The following ADGRD1 variants were observed in gnomAD, a reference collection of about 807,000 sequenced individuals.
ADGRD1 encodes G-protein coupled receptor 133.
In ADGRD1, 77 loss-of-function variants were observed where a neutral mutation model predicts 113.4. That is an observed-to-expected ratio of 0.68 (90% CI 0.57 to 0.82). The LOEUF (loss-of-function observed/expected upper bound fraction) is 0.82. Ranked by LOEUF, ADGRD1 falls within the 40% of genes least tolerant of loss-of-function variation. ADGRD1 has a pLI of 0.00. For synonymous variants in ADGRD1, 474 were observed against 475.0 expected, an observed-to-expected ratio of 1.00 and a Z score of 0.03; for missense variants, 1,036 against 1,139.1, an observed-to-expected ratio of 0.91 and a Z score of 1.30.
At chr12:131,099,185 G>T (rs1950011877) in intron 15 of ADGRD1, among the ~76,000 whole-genome samples, 1 of 152,148 alleles carries the variant, frequency 6.6e-6, no homozygotes, top group African/African-American at 2.4e-5. Context: ...ACATCACTCT[G>T]GTCTAGAAGG....
At chr12:131,105,623 C>T in intron 16 of ADGRD1, 131 bp from the exon 17 acceptor site, 1 of 658,644 alleles carries the variant, frequency 1.5e-6, no homozygotes, top group Middle Eastern at 3.1e-4. Context: ...TGGTCCACAG[C>T]AGGGAGTGAC....
At chr12:131,112,220 G>GGA (rs1417953227) in intron 18 of ADGRD1, among the ~76,000 whole-genome samples, 1 of 152,104 alleles carries the variant, frequency 6.6e-6, no homozygotes, top group African/African-American at 2.4e-5. Context: ...AGTCACCCTG[G>GGA]GATGGCAGTG....
intron 8 of ADGRD1, among the ~76,000 whole-genome samples, chr12:130,996,623 C>T (rs1394575347): frequency 2.5e-4 from 27 of 109,420 alleles, no homozygotes; most frequent in African/African-American, 2.8e-4. Flanking sequence ...AGGCGCCCCT[C>T]ACCTCCCGGA....
rs549476135 is a variant in ADGRD1, at chr12:130,955,456, G to A, written c.103+796G>A. On this transcript the variant is annotated intron_variant, in intron 2 of 24. Coordinates refer to ENST00000261654, the MANE Select transcript of ADGRD1 (RefSeq NM_198827.5). ...GGCCATTGTGACACCCAACCAGGAA[G>A]CATCAGGACGGGGCTTCTCTCGGGA... Among the ~76,000 whole-genome samples, 7 of 152,328 alleles carry A rather than the reference G, an allele frequency of 4.6e-5. No individual in the cohort carries two copies. In the East Asian group the frequency reaches 1.4e-3, roughly 29 times the overall value.
rs1873789407 is a variant in ADGRD1, at chr12:130,987,123, A to G, written c.519A>G (p.Thr173=). 2.5e-6 allele frequency: 4 copies of G among 1,613,950 alleles called. No homozygotes were observed. Among genetic ancestry groups the G allele is most frequent in the Non-Finnish European group, 3.4e-6 (4 of 1,179,818 alleles). Residue 173 remains threonine, a synonymous_variant, in exon 6 of 25, where the codon ACA becomes ACG. Transcript: ENST00000261654. The stretch of plus-strand genomic sequence containing the variant: ...CCTATTGGACTCATGTCCTATTTAC[A>G]TGGAAATCCAAGGAGGGCCTGAAAG... The part of the protein sequence containing the change: ...PGPYWTHVLF[T]WKSKEGLKVY...
rs1884228231 is a variant in ADGRD1, at chr12:131,060,497, G to GGCT, written c.1474-16302_1474-16300dup. On this transcript the variant is annotated intron_variant, in intron 13 of 24. Coordinates refer to ENST00000261654, the MANE Select transcript of ADGRD1 (RefSeq NM_198827.5). This position sits in a 1 kb window ranked among gnomAD's most constrained non-coding sequence, Gnocchi z 4.4. The stretch of plus-strand genomic sequence containing the variant: ...AGAGCGATGCTGGCTGTTAACTGCT[G>GGCT]GCTGGGTCACACCATGCAGAGACTG... 6.6e-6 allele frequency among the ~76,000 whole-genome samples: 1 copy of GGCT among 152,200 alleles called. No homozygotes were observed. The highest frequency in any genetic ancestry group is 6.5e-5 in the Admixed American group (1 of 15,290).
At chr12:131,092,704 G>A (rs1022803984) in intron 15 of ADGRD1, among the ~76,000 whole-genome samples, 4 of 152,106 alleles carry the variant, frequency 2.6e-5, no homozygotes, top group Admixed American at 2.6e-4. Context: ...CCGAGCACCC[G>A]CTCCTGGGGC....
At chr12:131,088,320 A>G (rs1385750599) in intron 15 of ADGRD1, among the ~76,000 whole-genome samples, 1 of 152,176 alleles carries the variant, frequency 6.6e-6, no homozygotes, top group East Asian at 1.9e-4. Flanking sequence ...GGCAGTGAGG[A>G]TGCTGTGGCA....
At chr12:131,104,397 A>T (rs1950178317) in intron 15 of ADGRD1, among the ~76,000 whole-genome samples, 1 of 152,148 alleles carries the variant, frequency 6.6e-6, no homozygotes, top group Non-Finnish European at 1.5e-5. Flanking sequence ...GAGAGGGGTC[A>T]TTATTTTCAT....
At chr12:131,015,458 G>A (rs1005558250) in intron 13 of ADGRD1, among the ~76,000 whole-genome samples, 8 of 150,722 alleles carry the variant, frequency 5.3e-5, no homozygotes, top group Admixed American at 6.6e-5. Context: ...AGAGGGGACT[G>A]GAGATGTTGG....
intron 20 of ADGRD1, among the ~76,000 whole-genome samples, chr12:131,121,197 G>A (rs903596535): frequency 1.3e-5 from 2 of 152,158 alleles, no homozygotes; most frequent in African/African-American, 4.8e-5. Context: ...CAGCACAGGC[G>A]CGGGCTCGTC....
chr12:131,030,055 T>C (rs1351794958), intron 13 of ADGRD1, among the ~76,000 whole-genome samples: 1 of 144,624 alleles, frequency 6.9e-6, no homozygotes, highest in Non-Finnish European at 1.5e-5. Context: ...ATTTCCAGGC[T>C]CTGGGGTTAG....
chr12:131,137,941 C>T, intron 23 of ADGRD1, 196 bp from the exon 24 acceptor site: 1 of 581,824 alleles, frequency 1.7e-6, no homozygotes, highest in East Asian at 3.0e-5. Flanking sequence ...GCTTCCCTGG[C>T]CTGCGATACA....
intron 2 of ADGRD1, among the ~76,000 whole-genome samples, chr12:130,958,894 C>T (rs183306795): frequency 1.4e-4 from 22 of 152,250 alleles, no homozygotes; most frequent in East Asian, 1.9e-4. Flanking sequence ...GGTGGTGTCA[C>T]GCCCTCGCAC....
intron 13 of ADGRD1, chr12:131,023,112 G>C (rs753810551): frequency 6.6e-6 from 1 of 152,144 alleles, no homozygotes; most frequent in Non-Finnish European, 1.5e-5. Flanking sequence ...CCACACCCTT[G>C]TGGGAAACGT....
intron 5 of ADGRD1, among the ~76,000 whole-genome samples, chr12:130,982,676 C>T (rs185641819): frequency 4.7e-4 from 71 of 152,226 alleles, no homozygotes; most frequent in African/African-American, 1.3e-3. Flanking sequence ...CTGGACTGTG[C>T]GTGGTCTTGG....
chr12:131,134,041 G>A (rs990511307), intron 21 of ADGRD1, among the ~76,000 whole-genome samples: 3 of 152,210 alleles, frequency 2.0e-5, no homozygotes, highest in African/African-American at 4.8e-5. Flanking sequence ...GAGAAGCCTG[G>A]CTTTCACTTT....
chr12:131,039,351 G>A (rs1394672094), intron 13 of ADGRD1, among the ~76,000 whole-genome samples: 1 of 152,264 alleles, frequency 6.6e-6, no homozygotes, highest in Admixed American at 6.5e-5. Context: ...TCAACGCCGG[G>A]GAAATGGGGG....
intron 13 of ADGRD1, among the ~76,000 whole-genome samples, chr12:131,039,257 C>T (rs928549377): frequency 6.6e-5 from 10 of 152,152 alleles, no homozygotes; most frequent in African/African-American, 1.7e-4. Flanking sequence ...TGAGCCGGGA[C>T]GGTGCGGAGA....
Sources: allele counts gnomAD v4.1 joint callset (sites outside exome capture counted in the v4.1 genomes callset), GRCh38; gene constraint gnomAD v4.1.1; non-coding constraint Gnocchi (gnomAD v3.1); transcripts MANE v1.5; gene names NCBI Gene and HGNC (gene_info 2026-07-23, HGNC 2026-07-21).